Variants in CMTM4 observed in about 807,000 individuals in gnomAD.
CMTM4 encodes the protein CKLF like MARVEL transmembrane domain containing 4, also known as CKLF-like MARVEL transmembrane domain-containing protein 4.
In CMTM4, 8 loss-of-function variants were observed where a neutral mutation model predicts 19.0. The ratio of observed to expected loss-of-function variants is 0.42; its 90% CI spans 0.25 to 0.76. CMTM4 has a LOEUF of 0.76. CMTM4 is among the 30% of genes least tolerant of loss of function. CMTM4 has a pLI of 0.27. For missense variants in CMTM4, 228 were observed against 290.2 expected (o/e 0.79, Z 1.56); for synonymous variants, 106 against 121.1 (o/e 0.88, Z 0.82).
In CMTM4 at chr16:66,636,212, A is replaced by G. The variant is rs556189308; in HGVS notation, c.363+193T>C. The stretch of plus-strand genomic sequence containing the variant: ...TAATTGTTATGATGTTTCTCCCATT[A>G]GTTAAGATTCAGTTTATTTTGTAGT... On this transcript the variant is annotated intron_variant, in intron 2 of 3. Coordinates refer to ENST00000394106, the MANE Select transcript of CMTM4 (RefSeq NM_181521.3). 2.6e-5 allele frequency among the ~76,000 whole-genome samples: 4 copies of G among 152,344 alleles called. No individual in the cohort carries two copies. In the East Asian group the frequency reaches 7.7e-4, roughly 29 times the overall value.
chr16:66,614,717 G>A (rs1289527718), downstream of CMTM4: 2 of 152,242 alleles, frequency 1.3e-5, no homozygotes, highest in Non-Finnish European at 2.9e-5. This position sits in a 1 kb window ranked among gnomAD's most constrained non-coding sequence, Gnocchi z 4.9. Context: ...AAGGGGCAGA[G>A]GAGGCCACTC....
rs567435208 is a variant in CMTM4 at position 66,652,323 on chromosome 16, G to C, written c.187-15742C>G. Among the ~76,000 whole-genome samples the C allele has an allele frequency of 1.5e-4, 23 of 152,330 alleles. No individual in the cohort carries two copies. In the South Asian group the frequency reaches 3.5e-3, roughly 23 times the overall value. On this transcript the variant is annotated intron_variant, in intron 1 of 3. Coordinates refer to ENST00000394106, the MANE Select transcript of CMTM4 (RefSeq NM_181521.3). ...TCCGAGGCCACACTCCACTCTAAGT[G>C]GTGCTTACCGCAGACCCCTGAAGGC...
chr16:66,691,889 A>G (rs1343486727), intron 1 of CMTM4, among the ~76,000 whole-genome samples: 1 of 152,240 alleles, frequency 6.6e-6, no homozygotes. Flanking sequence ...CAGTTTCTTT[A>G]GAGACAGGCA....
Position 66,659,461 on chromosome 16 carries a change from C to G in CMTM4, c.187-22880G>C, listed in dbSNP as rs959490558. ...ATAACAAATTACCCCATTTCATCAG[C>G]AAACAAATGACATAAAGGGAGATGA... On this transcript the variant is annotated intron_variant, in intron 1 of 3. Transcript: ENST00000394106. Among the ~76,000 whole-genome samples the G allele has an allele frequency of 5.9e-5, 9 of 151,896 alleles. No individual in the cohort carries two copies. The South Asian group carries it at 8.3e-4, about 14-fold the overall frequency.
At chr16:66,608,789 G>A in the CMTM4 span, among the ~76,000 whole-genome samples, 4 of 152,222 alleles carry the variant, frequency 2.6e-5, no homozygotes, top group Non-Finnish European at 5.9e-5. The surrounding 1 kb of genome is among the most constrained non-coding windows in gnomAD (Gnocchi z 5.1). Flanking sequence ...CCATTTCCAC[G>A]TGGGCAGGAC....
the CMTM4 span, chr16:66,609,567 G>A: frequency 1.0e-4 from 158 of 1,547,974 alleles, 1 homozygote; most frequent in South Asian, 1.6e-3. This position sits in a 1 kb window ranked among gnomAD's most constrained non-coding sequence, Gnocchi z 4.4. Context: ...AACTGCAGAT[G>A]CCCCTCTAGC....
chr16:66,615,923 A>T lies in CMTM4; in HGVS notation c.*6135T>A, dbSNP rs992281596. 2.6e-5 allele frequency: 4 copies of T among 152,356 alleles called. No homozygotes were observed. The highest frequency in any genetic ancestry group is 5.9e-5 in the Non-Finnish European group (4 of 68,042). 9.4% of individuals were successfully genotyped at this position (152,356 alleles called of 1,614,324 possible). On this transcript the variant is annotated 3_prime_UTR_variant, in exon 4 of 4. Coordinates refer to ENST00000394106, the MANE Select transcript of CMTM4 (RefSeq NM_181521.3). This position sits in a 1 kb window ranked among gnomAD's most constrained non-coding sequence, Gnocchi z 4.9. ...CCAAATGCAATTATACTGACTTATA[A>T]TTATTTCACAGAAATATACTCTTAC... is the stretch of plus-strand genomic sequence containing the variant.
Position 66,636,540 on chromosome 16 carries a change from C to T in CMTM4, c.228G>A (p.Met76Ile), listed in dbSNP as rs2015994402. 2 of 1,614,136 alleles carry T rather than the reference C, an allele frequency of 1.2e-6. No homozygotes were observed. The highest frequency in any genetic ancestry group is 4.5e-5 in the East Asian group (2 of 44,882). ...LIAFICIETI[M>I]ACSPCEGLYF... ...AGAGGCCTTCACACGGGGAGCATGCCATGATGGTCTCTATGCAGATGAATG... is the reference window on the plus strand; with the variant it reads ...AGAGGCCTTCACACGGGGAGCATGCTATGATGGTCTCTATGCAGATGAATG... The change falls in exon 2 of 4, where the codon ATG (methionine) becomes ATA (isoleucine). Residue 76 changes from methionine (M) to isoleucine (I), a missense_variant. Around this residue, in one of 3 missense-constraint regions of CMTM4, gnomAD observed 200 missense variants for 226.6 expected, o/e 0.88. Coordinates refer to ENST00000394106, the MANE Select transcript of CMTM4 (RefSeq NM_181521.3).
chr16:66,613,724 A>G (rs986004574), downstream of CMTM4: 9 of 152,548 alleles, frequency 5.9e-5, no homozygotes, highest in South Asian at 2.1e-4. Flanking sequence ...AAAAAAAGCC[A>G]TAATGAATTA....
the CMTM4 span, among the ~76,000 whole-genome samples, chr16:66,608,761 C>A: frequency 6.6e-6 from 1 of 152,166 alleles, no homozygotes; most frequent in Admixed American, 6.5e-5. The surrounding 1 kb of genome is among the most constrained non-coding windows in gnomAD (Gnocchi z 5.1). Flanking sequence ...GAATGAGCTG[C>A]CGCCACAGGA....
chr16:66,620,783 G>A lies in CMTM4; in HGVS notation c.*1275C>T, dbSNP rs2015616946. ...AAAACAGTTCAAAGAGGGAAAACCT[G>A]ACAAACTAAAACAACTTTTTTCCAT... On this transcript the variant is annotated 3_prime_UTR_variant, in exon 4 of 4. Transcript: ENST00000394106. 1.0e-6 allele frequency: 1 copy of A among 985,666 alleles called. No homozygotes were observed. Among genetic ancestry groups the A allele is most frequent in the Non-Finnish European group, 1.2e-6 (1 of 829,894 alleles). The allele number at this position is 985,666 out of a possible 1,614,324, so 61.1% of individuals were successfully genotyped here. A position where few individuals can be genotyped will look rare whatever the true frequency, so the allele number is the denominator to read the frequency against.
intron 1 of CMTM4, among the ~76,000 whole-genome samples, chr16:66,672,154 G>C (rs895414152): frequency 6.6e-6 from 1 of 152,056 alleles, no homozygotes; most frequent in African/African-American, 2.4e-5. Context: ...CCTCATGCCT[G>C]AAATCCCAGC....
chr16:66,643,237 G>A (rs2144823835), intron 1 of CMTM4, among the ~76,000 whole-genome samples: 2 of 152,260 alleles, frequency 1.3e-5, no homozygotes, highest in East Asian at 3.9e-4. Flanking sequence ...GGCATTTTTG[G>A]CATTCAGCTA....
At chr16:66,637,366 G>A (rs1279537694) in intron 1 of CMTM4, among the ~76,000 whole-genome samples, 3 of 152,092 alleles carry the variant, frequency 2.0e-5, no homozygotes, top group African/African-American at 7.2e-5. Flanking sequence ...CCAACATGGA[G>A]AAACCCCCTC....
intron 1 of CMTM4, among the ~76,000 whole-genome samples, chr16:66,676,580 G>A (rs185023755): frequency 4.6e-5 from 7 of 152,256 alleles, no homozygotes; most frequent in East Asian, 1.9e-4. Context: ...ATAACTTCAC[G>A]ATCCCTTAGA....
chr16:66,689,775 T>C (rs2017102885), intron 1 of CMTM4, among the ~76,000 whole-genome samples: 1 of 152,188 alleles, frequency 6.6e-6, no homozygotes, highest in Admixed American at 6.5e-5. Context: ...CCAACCTTTT[T>C]GTTCCTGGGA....
chr16:66,616,822 T>G lies in CMTM4; in HGVS notation c.*5236A>C, dbSNP rs2015534214. ...TCCCTACGCGTCTCCTCACCATCCC[T>G]ACGCGTGACTGACTTTCCTGATAAA... is the stretch of plus-strand genomic sequence containing the variant. On this transcript the variant is annotated 3_prime_UTR_variant, in exon 4 of 4. Transcript: ENST00000394106. 1 of 155,540 alleles carries G rather than the reference T, an allele frequency of 6.4e-6. No homozygotes were observed. The highest frequency in any genetic ancestry group is 1.4e-5 in the Non-Finnish European group (1 of 70,310). The allele number at this position is 155,540 out of a possible 1,614,324, so 9.6% of individuals were successfully genotyped here.
At chr16:66,608,183 G>A in the CMTM4 span, 1 of 985,156 alleles carries the variant, frequency 1.0e-6, no homozygotes, top group Non-Finnish European at 1.5e-6. The surrounding 1 kb of genome is among the most constrained non-coding windows in gnomAD (Gnocchi z 5.1). Context: ...CCCAGCTGCG[G>A]GACTGTGAGC....
intron 1 of CMTM4, among the ~76,000 whole-genome samples, chr16:66,670,396 G>C (rs2016680911): frequency 6.9e-6 from 1 of 144,438 alleles, no homozygotes; most frequent in African/African-American, 2.6e-5. Context: ...AGAGGCTGCA[G>C]CGAGCCAAGA....
Sources: allele counts gnomAD v4.1 joint callset (sites outside exome capture counted in the v4.1 genomes callset), GRCh38; gene constraint gnomAD v4.1.1; regional missense constraint gnomAD v4.1.1; non-coding constraint Gnocchi (gnomAD v3.1); transcripts MANE v1.5; gene names NCBI Gene and HGNC (gene_info 2026-07-23, HGNC 2026-07-21).